The following SLC13A1 variants were observed in gnomAD, a reference collection of about 807,000 sequenced individuals.
The protein encoded by SLC13A1 is solute carrier family 13 member 1.
A neutral mutation model predicts 70.0 loss-of-function variants in SLC13A1; 65 were observed. The ratio of observed to expected loss-of-function variants is 0.93; its 90% CI spans 0.76 to 1.14. SLC13A1 has a LOEUF of 1.14. Ranked by LOEUF, SLC13A1 falls within the 50% of genes most tolerant of loss-of-function variation. SLC13A1 has a pLI of 0.00. For missense variants in SLC13A1, 726 were observed against 717.8 expected (o/e 1.01, Z -0.13); for synonymous variants, 275 against 250.5 (o/e 1.10, Z -0.92).
At chr7:123,170,283 A>G (rs553121425) in intron 3 of SLC13A1, among the ~76,000 whole-genome samples, 6 of 152,348 alleles carry the variant, frequency 3.9e-5, no homozygotes, top group African/African-American at 1.4e-4. Context: ...ATACAACAAA[A>G]TAAAAGAAAA....
intron 1 of SLC13A1, chr7:123,186,741 C>G: frequency 2.2e-6 from 1 of 455,890 alleles, no homozygotes; most frequent in Non-Finnish European, 4.4e-6. Flanking sequence ...ATCGTTATTA[C>G]AACTTACTCT....
At chr7:123,137,466 A>T (rs1484192361) in intron 7 of SLC13A1, among the ~76,000 whole-genome samples, 1 of 152,160 alleles carries the variant, frequency 6.6e-6, no homozygotes, top group Non-Finnish European at 1.5e-5. Flanking sequence ...CTTAAAAGAG[A>T]GTTTCCTGCT....
At chr7:123,152,398 A>AT (rs1382858173) in intron 6 of SLC13A1, among the ~76,000 whole-genome samples, 3 of 151,666 alleles carry the variant, frequency 2.0e-5, no homozygotes, top group Non-Finnish European at 2.9e-5. Flanking sequence ...TGGTACTTCT[A>AT]TTTTTTTTCT....
chr7:123,164,436 A>G (rs958405768), intron 6 of SLC13A1, among the ~76,000 whole-genome samples: 3 of 151,932 alleles, frequency 2.0e-5, no homozygotes, highest in Non-Finnish European at 4.4e-5. Flanking sequence ...GATTTTAATT[A>G]AATTTTTAAA....
rs555814783 is a variant in SLC13A1 at position 123,169,016 on chromosome 7, A to G, written c.553+132T>C. 6.9e-5 allele frequency: 52 copies of G among 750,618 alleles called. No homozygotes were observed. In the South Asian group the frequency reaches 1.0e-3, roughly 14 times the overall value. The allele number at this position is 750,618 out of a possible 1,614,324, so 46.5% of individuals were successfully genotyped here. On this transcript the variant is annotated intron_variant, in intron 4 of 14. Transcript: ENST00000194130. ...ACTATTTTTGTAGATACTGAGAACTATAGAGGGAAGAAAGTTAAATTCATA... is the reference window on the plus strand; with the variant it reads ...ACTATTTTTGTAGATACTGAGAACTGTAGAGGGAAGAAAGTTAAATTCATA...
chr7:123,163,049 T>G (rs578171827), intron 6 of SLC13A1, among the ~76,000 whole-genome samples: 38 of 152,178 alleles, frequency 2.5e-4, no homozygotes, highest in African/African-American at 9.1e-4. Context: ...GGGCTGTCTC[T>G]TTGAGTGACA....
At chr7:123,197,115 A>G (rs1460386166) in intron 1 of SLC13A1, among the ~76,000 whole-genome samples, 1 of 152,172 alleles carries the variant, frequency 6.6e-6, no homozygotes, top group Non-Finnish European at 1.5e-5. Flanking sequence ...CCCTGTTAAT[A>G]GTACATTGAA....
chr7:123,141,202 A>T (rs1457156939), intron 7 of SLC13A1, among the ~76,000 whole-genome samples: 1 of 151,998 alleles, frequency 6.6e-6, no homozygotes, highest in Non-Finnish European at 1.5e-5. Flanking sequence ...TTTAATTTTC[A>T]TATGCTTTTA....
rs1315719530 is a variant in SLC13A1, at chr7:123,114,346, T to C, written c.*1172A>G. 6.6e-6 allele frequency: 1 copy of C among 152,120 alleles called. No homozygotes were observed. The highest frequency in any genetic ancestry group is 1.5e-5 in the Non-Finnish European group (1 of 68,014). 9.4% of individuals were successfully genotyped at this position (152,120 alleles called of 1,614,324 possible). ...TTTGCTACCTGTCTACAATGTGTAATTGTCACATCAGGGTAATTGGAAACT... is the reference window on the plus strand; with the variant it reads ...TTTGCTACCTGTCTACAATGTGTAACTGTCACATCAGGGTAATTGGAAACT... On this transcript the variant is annotated 3_prime_UTR_variant, in exon 15 of 15. Transcript: ENST00000194130.
chr7:123,156,309 T>A (rs1794711717), intron 6 of SLC13A1, among the ~76,000 whole-genome samples: 1 of 152,162 alleles, frequency 6.6e-6, no homozygotes, highest in Non-Finnish European at 1.5e-5. Context: ...TAATGAAGAC[T>A]TAGAAAAGTG....
chr7:123,169,910 G>A (rs950054468), intron 3 of SLC13A1, among the ~76,000 whole-genome samples: 3 of 152,158 alleles, frequency 2.0e-5, no homozygotes, highest in African/African-American at 7.2e-5. Flanking sequence ...TTGCTAAAAT[G>A]AGGTTTCTGA....
chr7:123,170,183 G>A (rs757988918), intron 3 of SLC13A1, among the ~76,000 whole-genome samples: 7 of 152,108 alleles, frequency 4.6e-5, no homozygotes, highest in African/African-American at 9.7e-5. Flanking sequence ...AGCAATTTAT[G>A]AAATAATCTG....
chr7:123,127,924 A>G (rs1793616348), intron 10 of SLC13A1, among the ~76,000 whole-genome samples: 2 of 145,624 alleles, frequency 1.4e-5, no homozygotes, highest in Non-Finnish European at 3.0e-5. Flanking sequence ...TAGAAATTAG[A>G]GTAGTTCAGT....
chr7:123,153,126 T>TACAGA (rs1794608475), intron 6 of SLC13A1, among the ~76,000 whole-genome samples: 1 of 152,038 alleles, frequency 6.6e-6, no homozygotes, highest in South Asian at 2.1e-4. Context: ...TATGCATATA[T>TACAGA]ATAGAATTAT....
At chr7:123,126,449 G>C (rs1165731302) in intron 10 of SLC13A1, among the ~76,000 whole-genome samples, 2 of 152,098 alleles carry the variant, frequency 1.3e-5, no homozygotes, top group Non-Finnish European at 2.9e-5. Context: ...AACTGAAATA[G>C]GCATTAATAA....
At chr7:123,199,629 T>G (rs1290969200) in intron 1 of SLC13A1, among the ~76,000 whole-genome samples, 1 of 152,060 alleles carries the variant, frequency 6.6e-6, no homozygotes, top group Admixed American at 6.6e-5. Context: ...TGATTGAATA[T>G]TCTATTTAAT....
At chr7:123,128,756 A>C in intron 10 of SLC13A1, 89 bp downstream of exon 10, 1 of 796,616 alleles carries the variant, frequency 1.3e-6, no homozygotes, top group Non-Finnish European at 2.1e-6. Context: ...AAAATATCTC[A>C]TCCAATCTTT....
intron 11 of SLC13A1, among the ~76,000 whole-genome samples, chr7:123,125,255 CCT>C (rs565658060): frequency 7.1e-4 from 108 of 152,210 alleles, no homozygotes; most frequent in African/African-American, 2.5e-3. Context: ...AGTTCTTTTT[CCT>C]CTGTTTGCCA....
At chr7:123,196,037 T>G (rs928684843) in intron 1 of SLC13A1, among the ~76,000 whole-genome samples, 9 of 152,044 alleles carry the variant, frequency 5.9e-5, no homozygotes, top group Non-Finnish European at 1.3e-4. Context: ...TAGTATTGAC[T>G]GCTGAAAAGA....
Sources: gnomAD v4.1 joint callset for allele counts (sites outside exome capture counted in the v4.1 genomes callset) on GRCh38, gnomAD v4.1.1 for gene constraint, MANE v1.5 for transcripts, NCBI Gene and HGNC (gene_info 2026-07-23, HGNC 2026-07-21) for gene names.